The following ZNF385D variants were observed in gnomAD, a reference collection of about 807,000 sequenced individuals.
ZNF385D encodes the protein zinc finger protein 385D, also known as zinc finger protein 659.
In ZNF385D, 15 loss-of-function variants were observed where a neutral mutation model predicts 35.8. The observed-to-expected ratio is 0.42, with a 90% CI of 0.28 to 0.64. The LOEUF is 0.64. Among genes scored for constraint, ZNF385D ranks in the 30% least tolerant of loss-of-function variants. ZNF385D has a pLI of 0.23. For synonymous variants in ZNF385D, 212 were observed against 186.8 expected (o/e 1.13, Z -1.10); for missense variants, 474 against 494.6 (o/e 0.96, Z 0.39).
At chr3:21,560,747 C>T (rs1383238642) in intron 3 of ZNF385D, among the ~76,000 whole-genome samples, 1 of 152,166 alleles carries the variant, frequency 6.6e-6, no homozygotes, top group Admixed American at 6.5e-5. Context: ...GCGCCTATAG[C>T]TGCCTCTTTC....
intron 3 of ZNF385D, among the ~76,000 whole-genome samples, chr3:22,041,010 G>A (rs1698632173): frequency 6.6e-6 from 1 of 151,908 alleles, no homozygotes; most frequent in African/African-American, 2.4e-5. Flanking sequence ...GCATTTACTG[G>A]CTCAAGTAAC....
At chr3:22,348,267 A>T (rs1451982896) in intron 2 of ZNF385D, among the ~76,000 whole-genome samples, 1 of 152,132 alleles carries the variant, frequency 6.6e-6, no homozygotes, top group African/African-American at 2.4e-5. Flanking sequence ...TCAGAATGTG[A>T]CTATTTTAGG....
Position 21,414,789 on chromosome 3 carries a change from C to T in ZNF385D, c.*6425G>A, listed in dbSNP as rs368414762. The T allele has an allele frequency of 1.2e-4, 19 of 152,208 alleles. No individual in the cohort carries two copies. In the East Asian group the frequency reaches 1.9e-3, roughly 16 times the overall value. 9.4% of individuals were successfully genotyped at this position (152,208 alleles called of 1,614,324 possible). On this transcript the variant is annotated 3_prime_UTR_variant, in exon 8 of 8. Transcript: ENST00000281523. Reference sequence around the variant, plus strand: ...TTTTCGCCAATATCCAGTACTTCCACACATTTTTCTATAATCCATTTAAAA... The same window carrying T: ...TTTTCGCCAATATCCAGTACTTCCATACATTTTTCTATAATCCATTTAAAA...
At chr3:21,919,494 A>C (rs544084892) in intron 3 of ZNF385D, among the ~76,000 whole-genome samples, 10 of 152,200 alleles carry the variant, frequency 6.6e-5, no homozygotes, top group Non-Finnish European at 1.0e-4. Context: ...ATCTCAATTC[A>C]AAAAAGGTAA....
intron 3 of ZNF385D, among the ~76,000 whole-genome samples, chr3:21,771,160 A>G (rs1006056653): frequency 3.3e-5 from 5 of 151,960 alleles, no homozygotes; most frequent in African/African-American, 1.2e-4. Flanking sequence ...TAATGGGTGC[A>G]GCACACCAAC....
intron 2 of ZNF385D, among the ~76,000 whole-genome samples, chr3:22,365,284 T>C (rs1009709601): frequency 1.3e-5 from 2 of 151,900 alleles, no homozygotes. Flanking sequence ...AGATAAAGTA[T>C]GAATAAGTAA....
intron 3 of ZNF385D, among the ~76,000 whole-genome samples, chr3:21,895,494 A>ATTTTTTTTTTTTTTTT (rs1221696542): frequency 7.6e-6 from 1 of 131,460 alleles, no homozygotes; most frequent in Non-Finnish European, 1.6e-5. Context: ...TGCCTGGCTA[A>ATTTTTTTTTTTTTTTT]TTTTTTTTTT....
intron 3 of ZNF385D, among the ~76,000 whole-genome samples, chr3:21,850,067 T>G (rs9917822): frequency 6.6e-6 from 1 of 152,070 alleles, no homozygotes; most frequent in Non-Finnish European, 1.5e-5. Context: ...TGAGTTTAAA[T>G]AGTTGCAAAT....
intron 3 of ZNF385D, among the ~76,000 whole-genome samples, chr3:21,802,965 G>A (rs916185161): frequency 6.6e-6 from 1 of 152,314 alleles, no homozygotes. Context: ...GAGAAGAGAA[G>A]AACGAGTGGA....
At chr3:22,299,256 G>T (rs1559506337) in intron 2 of ZNF385D, among the ~76,000 whole-genome samples, 1 of 151,708 alleles carries the variant, frequency 6.6e-6, no homozygotes. Context: ...TATAGCTATT[G>T]TAATATAGGT....
chr3:22,061,240 GA>G (rs1308387067), intron 3 of ZNF385D, among the ~76,000 whole-genome samples: 3 of 152,124 alleles, frequency 2.0e-5, no homozygotes, highest in African/African-American at 7.2e-5. Flanking sequence ...AAAGTATGAA[GA>G]AAAGTAGTCA....
chr3:22,162,754 T>G (rs544281922), intron 3 of ZNF385D, among the ~76,000 whole-genome samples: 1 of 152,326 alleles, frequency 6.6e-6, no homozygotes, highest in African/African-American at 2.4e-5. Context: ...TGTTAATACA[T>G]TTGTATATCT....
At chr3:22,165,738 C>T (rs1193034677) in intron 3 of ZNF385D, among the ~76,000 whole-genome samples, 2 of 152,190 alleles carry the variant, frequency 1.3e-5, no homozygotes, top group South Asian at 2.1e-4. Context: ...AGGAGGAGAC[C>T]CCAGAACTCA....
At chr3:21,621,147 C>A (rs899107778) in intron 2 of ZNF385D, among the ~76,000 whole-genome samples, 6 of 152,112 alleles carry the variant, frequency 3.9e-5, no homozygotes, top group Non-Finnish European at 8.8e-5. Context: ...AAGCTGGACT[C>A]CTTGCTGCAA....
chr3:21,588,845 G>T lies in ZNF385D; in HGVS notation c.166-24161C>A, dbSNP rs540574892. On this transcript the variant is annotated intron_variant, in intron 2 of 7. Coordinates refer to ENST00000281523, the MANE Select transcript of ZNF385D (RefSeq NM_024697.3). ...TTACTGGCACTCACCCAGAGAAAAA[G>T]AAATAGGCCACTCCAACAGATCTGA... 2.0e-5 allele frequency among the ~76,000 whole-genome samples: 3 copies of T among 152,154 alleles called. No individual in the cohort carries two copies. The South Asian group carries it at 6.2e-4, about 32-fold the overall frequency.
intron 3 of ZNF385D, among the ~76,000 whole-genome samples, chr3:22,036,519 T>A (rs1218547904): frequency 6.6e-6 from 1 of 151,580 alleles, no homozygotes; most frequent in Non-Finnish European, 1.5e-5. Flanking sequence ...AAAGGAAAAA[T>A]GGAAAGAAAT....
intron 1 of ZNF385D, among the ~76,000 whole-genome samples, chr3:21,675,930 T>C (rs2066710190): frequency 1.3e-5 from 2 of 152,084 alleles, no homozygotes; most frequent in Admixed American, 6.6e-5. Context: ...CGTAACTAAT[T>C]CTACTTAATG....
intron 3 of ZNF385D, among the ~76,000 whole-genome samples, chr3:21,805,436 T>C (rs933081011): frequency 1.3e-5 from 2 of 152,178 alleles, no homozygotes; most frequent in Admixed American, 6.5e-5. Context: ...CAACGATTCA[T>C]AGTCATATAA....
rs117162729 is a variant in ZNF385D, at chr3:21,847,300, G to A, written c.326-182272C>T. 1.3e-3 allele frequency among the ~76,000 whole-genome samples: 197 copies of A among 152,108 alleles called. 2 individuals carry two copies. The East Asian group carries it at 0.035, about 27-fold the overall frequency. Reference sequence around the variant, plus strand: ...CACATTATGTATATTCAAAACAGTCGTTGCTGGAGTTCCACTGTTTAAGAA... The same window carrying A: ...CACATTATGTATATTCAAAACAGTCATTGCTGGAGTTCCACTGTTTAAGAA... On this transcript the variant is annotated intron_variant, in intron 3 of 5. Coordinates refer to the ZNF385D transcript ENST00000494108.
Sources: gnomAD v4.1 joint callset for allele counts (sites outside exome capture counted in the v4.1 genomes callset) on GRCh38, gnomAD v4.1.1 for gene constraint, MANE v1.5 for transcripts, NCBI Gene and HGNC (gene_info 2026-07-23, HGNC 2026-07-21) for gene names.